The following MAST4 variants were observed in gnomAD, a reference collection of about 807,000 sequenced individuals.
MAST4 encodes microtubule-associated serine/threonine-protein kinase 4.
A neutral mutation model predicts 162.7 loss-of-function variants in MAST4; 89 were observed. The observed-to-expected ratio is 0.55, with a 90% CI of 0.46 to 0.65. The LOEUF (loss-of-function observed/expected upper bound fraction) is 0.65. Ranked by LOEUF, MAST4 falls within the 30% of genes least tolerant of loss-of-function variation. The pLI is 0.00. For missense variants in MAST4, 3,153 were observed against 3,374.0 expected (o/e 0.93, Z 1.62); for synonymous variants, 1,479 against 1,361.1 (o/e 1.09, Z -1.91).
At chr5:66,941,129 C>T (rs1743318918) in intron 4 of MAST4, among the ~76,000 whole-genome samples, 1 of 152,032 alleles carries the variant, frequency 6.6e-6, no homozygotes, top group South Asian at 2.1e-4. Flanking sequence ...GGAGCACAGG[C>T]AGAGCAGATT....
At chr5:67,102,835 G>A (rs1765177412) in intron 9 of MAST4, among the ~76,000 whole-genome samples, 1 of 152,188 alleles carries the variant, frequency 6.6e-6, no homozygotes, top group African/African-American at 2.4e-5. Flanking sequence ...TGGCTCTAAA[G>A]TGAACCTGCC....
intron 1 of MAST4, among the ~76,000 whole-genome samples, chr5:66,688,972 C>T (rs1748867173): frequency 6.6e-6 from 1 of 152,156 alleles, no homozygotes; most frequent in African/African-American, 2.4e-5. Context: ...CTCTACCTCT[C>T]CTCATCAGAA....
At chr5:66,630,855 A>G (rs951414781) in intron 1 of MAST4, among the ~76,000 whole-genome samples, 2 of 152,210 alleles carry the variant, frequency 1.3e-5, no homozygotes, top group African/African-American at 2.4e-5. Context: ...ACTGTTTAAC[A>G]TTGGCTCAGG....
chr5:66,618,568 A>G (rs1389022589), intron 1 of MAST4, among the ~76,000 whole-genome samples: 2 of 152,232 alleles, frequency 1.3e-5, no homozygotes, highest in African/African-American at 4.8e-5. Context: ...TTGGATGAAC[A>G]TTAATGTCTC....
chr5:67,097,765 A>G (rs372717274), intron 7 of MAST4, among the ~76,000 whole-genome samples: 1 of 152,114 alleles, frequency 6.6e-6, no homozygotes, highest in African/African-American at 2.4e-5. Flanking sequence ...AGCTTCCAGA[A>G]TTACTCCTTT....
intron 23 of MAST4, among the ~76,000 whole-genome samples, chr5:67,147,724 AT>A (rs1358928281): frequency 2.0e-5 from 3 of 152,194 alleles, no homozygotes; most frequent in Non-Finnish European, 2.9e-5. Flanking sequence ...GTGAGATGAG[AT>A]TTATTACTTG....
chr5:66,844,205 G>A (rs1331818754), intron 3 of MAST4, among the ~76,000 whole-genome samples: 3 of 147,444 alleles, frequency 2.0e-5, no homozygotes, highest in South Asian at 2.2e-4. Context: ...GTGTTGGGGC[G>A]GGGGGATTAT....
intron 4 of MAST4, among the ~76,000 whole-genome samples, chr5:66,952,915 A>G (rs960730814): frequency 6.6e-6 from 1 of 152,170 alleles, no homozygotes; most frequent in African/African-American, 2.4e-5. Flanking sequence ...ATTATCAGAA[A>G]TGACCTTATG....
At chr5:66,875,723 G>T (rs1192446474) in intron 3 of MAST4, among the ~76,000 whole-genome samples, 17 of 152,108 alleles carry the variant, frequency 1.1e-4, no homozygotes, top group Admixed American at 1.1e-3. Flanking sequence ...TAAAATGTCT[G>T]CATTATTAAA....
intron 4 of MAST4, among the ~76,000 whole-genome samples, chr5:66,929,353 G>T (rs1157644281): frequency 6.6e-6 from 1 of 152,050 alleles, no homozygotes; most frequent in Non-Finnish European, 1.5e-5. Context: ...TGTTCTGTCT[G>T]GGCCACCATC....
intron 4 of MAST4, among the ~76,000 whole-genome samples, chr5:67,023,824 A>G (rs1581235109): frequency 1.3e-5 from 2 of 151,534 alleles, no homozygotes; most frequent in East Asian, 3.9e-4. Flanking sequence ...TTCAGTACTC[A>G]GGTTTTTTTT....
intron 4 of MAST4, among the ~76,000 whole-genome samples, chr5:67,000,090 C>G (rs1751112343): frequency 6.6e-6 from 1 of 152,232 alleles, no homozygotes; most frequent in Admixed American, 6.5e-5. Flanking sequence ...GTTCACAGTT[C>G]TAGCCTCAAA....
chr5:66,972,945 C>A (rs765178785), intron 4 of MAST4, among the ~76,000 whole-genome samples: 3 of 152,188 alleles, frequency 2.0e-5, no homozygotes, highest in Non-Finnish European at 4.4e-5. Context: ...TCTCTTCCTA[C>A]CCCTTCAACT....
intron 4 of MAST4, among the ~76,000 whole-genome samples, chr5:67,027,004 A>G (rs1482451216): frequency 3.3e-5 from 5 of 152,184 alleles, no homozygotes; most frequent in African/African-American, 1.2e-4. Context: ...GGTAGGATAT[A>G]ATATATCCTA....
At chr5:66,985,994 A>C (rs772755584) in intron 4 of MAST4, among the ~76,000 whole-genome samples, 1 of 152,212 alleles carries the variant, frequency 6.6e-6, no homozygotes, top group Non-Finnish European at 1.5e-5. Context: ...ATTGCCAATA[A>C]TGATCCCACG....
At chr5:67,081,378 A>G (rs909296235) in intron 5 of MAST4, among the ~76,000 whole-genome samples, 4 of 151,950 alleles carry the variant, frequency 2.6e-5, no homozygotes, top group African/African-American at 9.7e-5. Flanking sequence ...TCAGGTCTTA[A>G]TGCTGTTTTG....
intron 4 of MAST4, among the ~76,000 whole-genome samples, chr5:66,943,538 A>G (rs1327714794): frequency 6.6e-6 from 1 of 152,094 alleles, no homozygotes. Flanking sequence ...GTTGAAATCT[A>G]TTTATATAAA....
Position 67,166,808 on chromosome 5 carries a change from G to A in MAST4, c.7629G>A (p.Gly2543=), listed in dbSNP as rs752323765. Residue 2543 remains glycine, a synonymous_variant, in exon 29 of 29, where the codon GGG becomes GGA. Transcript: ENST00000403625. ...ACCCCGACCCAAACACCATGGGCGGGGCCAGCCACCGGGACAGGGCTCTCT... is the reference window on the plus strand; with the variant it reads ...ACCCCGACCCAAACACCATGGGCGGAGCCAGCCACCGGGACAGGGCTCTCT... ...SHHPDPNTMG[G]ASHRDRALSV... 1.9e-6 allele frequency: 3 copies of A among 1,603,650 alleles called. No homozygotes were observed. In the Admixed American group the frequency reaches 5.1e-5, roughly 27 times the overall value.
chr5:66,816,530 A>G (rs1415554887), intron 3 of MAST4, among the ~76,000 whole-genome samples: 3 of 152,210 alleles, frequency 2.0e-5, no homozygotes, highest in African/African-American at 7.2e-5. Context: ...ATACTCTGCG[A>G]ACCTGGAAAG....
Sources: allele counts gnomAD v4.1 joint callset (sites outside exome capture counted in the v4.1 genomes callset), GRCh38; gene constraint gnomAD v4.1.1; transcripts MANE v1.5; gene names NCBI Gene and HGNC (gene_info 2026-07-23, HGNC 2026-07-21).